The following TUNAR variants were observed in gnomAD, a reference collection of about 807,000 sequenced individuals.
The protein encoded by TUNAR is protein TUNAR.
At chr14:95,901,494 T>A (rs957676155) in intron 2 of TUNAR, among the ~76,000 whole-genome samples, 5 of 152,202 alleles carry the variant, frequency 3.3e-5, no homozygotes. Context: ...GCAGGAGATG[T>A]AAATTTTGCT....
intron 2 of TUNAR, among the ~76,000 whole-genome samples, chr14:95,906,191 G>C (rs1041102168): frequency 6.6e-6 from 1 of 152,138 alleles, no homozygotes; most frequent in Non-Finnish European, 1.5e-5. Context: ...GAGAAACCAA[G>C]GTTTGGGTGC....
At chr14:95,891,071 A>T (rs1328927285) in intron 2 of TUNAR, among the ~76,000 whole-genome samples, 1 of 152,260 alleles carries the variant, frequency 6.6e-6, no homozygotes, top group Admixed American at 6.5e-5. Flanking sequence ...TGATTTAGAA[A>T]GATAGCCCTT....
chr14:95,907,915 G>A (rs1351632446), intron 2 of TUNAR, among the ~76,000 whole-genome samples: 2 of 152,172 alleles, frequency 1.3e-5, no homozygotes, highest in African/African-American at 2.4e-5. Context: ...TCTGACCTCT[G>A]CCCTGCTCTG....
intron 2 of TUNAR, among the ~76,000 whole-genome samples, chr14:95,882,169 G>A (rs915960905): frequency 6.6e-6 from 1 of 152,206 alleles, no homozygotes. Flanking sequence ...GAATAACATT[G>A]CGTGTCCTCG....
intron 2 of TUNAR, among the ~76,000 whole-genome samples, chr14:95,910,073 A>G (rs1409430136): frequency 6.6e-6 from 1 of 152,140 alleles, no homozygotes; most frequent in Non-Finnish European, 1.5e-5. Context: ...TCGGTGTATG[A>G]TCATTTCTTT....
In TUNAR at chr14:95,922,089, GGGTATAACCT is replaced by G. The variant is rs1889706509; in HGVS notation, c.13-689_13-680del. Among the ~76,000 whole-genome samples the G allele has an allele frequency of 2.0e-5, 3 of 152,198 alleles. No homozygotes were observed. In the South Asian group the frequency reaches 6.2e-4, roughly 32 times the overall value. ...GTGCACAGAAGTGAGGCCTTCTCTA[GGGTATAACCT>G]GGCAGAGCAGGTGCCCAGTGGTAGA... On this transcript the variant is annotated intron_variant, in intron 2 of 2. Coordinates refer to ENST00000678517, the Ensembl canonical transcript of TUNAR.
intron 2 of TUNAR, among the ~76,000 whole-genome samples, chr14:95,891,795 G>A (rs1207919372): frequency 6.6e-6 from 1 of 152,220 alleles, no homozygotes; most frequent in Non-Finnish European, 1.5e-5. Flanking sequence ...TGGGAAGCCT[G>A]AAATCCAAGT....
At chr14:95,897,589 C>G (rs939283904) in intron 2 of TUNAR, among the ~76,000 whole-genome samples, 5 of 152,220 alleles carry the variant, frequency 3.3e-5, no homozygotes, top group Admixed American at 1.3e-4. Flanking sequence ...ATGTTGAGAA[C>G]AGTAGGTGAC....
exon 3 of TUNAR, chr14:95,923,215 G>C: frequency 2.9e-6 from 1 of 339,328 alleles, no homozygotes; most frequent in East Asian, 4.4e-5. Context: ...CTTTGGCAGG[G>C]GGCCCAGAAG....
chr14:95,898,349 G>A (rs913980673), intron 2 of TUNAR, among the ~76,000 whole-genome samples: 19 of 152,180 alleles, frequency 1.2e-4, no homozygotes, highest in African/African-American at 4.6e-4. Flanking sequence ...CATGAGGATA[G>A]TCTCCAGGGT....
intron 2 of TUNAR, among the ~76,000 whole-genome samples, chr14:95,884,444 G>A (rs542841468): frequency 3.3e-5 from 5 of 152,308 alleles, no homozygotes; most frequent in South Asian, 2.1e-4. Context: ...ACCCTGTGAA[G>A]CTCTGTTTTC....
At chr14:95,896,252 C>T (rs1383741637) in intron 2 of TUNAR, among the ~76,000 whole-genome samples, 3 of 152,188 alleles carry the variant, frequency 2.0e-5, no homozygotes, top group Non-Finnish European at 4.4e-5. Context: ...GTCCGGTCTT[C>T]TAGAAGGTGG....
intron 2 of TUNAR, among the ~76,000 whole-genome samples, chr14:95,910,887 G>C (rs56207511): frequency 0.22 from 33,756 of 152,202 alleles, 5,089 homozygotes; most frequent in African/African-American, 0.43. Context: ...TGGAATGTTG[G>C]CAGAGCTGGC....
intron 2 of TUNAR, among the ~76,000 whole-genome samples, chr14:95,905,103 A>G (rs972362069): frequency 6.6e-6 from 1 of 152,216 alleles, no homozygotes; most frequent in Non-Finnish European, 1.5e-5. Flanking sequence ...AAATCATTCA[A>G]TAAGGGACTT....
intron 2 of TUNAR, among the ~76,000 whole-genome samples, chr14:95,884,967 G>A (rs1889051668): frequency 6.6e-6 from 1 of 151,926 alleles, no homozygotes; most frequent in South Asian, 2.1e-4. Flanking sequence ...AACTGCACTC[G>A]AAAGGATCAA....
intron 2 of TUNAR, among the ~76,000 whole-genome samples, chr14:95,880,754 G>C (rs1414649370): frequency 6.6e-6 from 1 of 152,224 alleles, no homozygotes; most frequent in African/African-American, 2.4e-5. Flanking sequence ...CAGGTTTTGT[G>C]TGTAGGCTTC....
At chr14:95,885,832 G>A (rs576634453) in intron 2 of TUNAR, among the ~76,000 whole-genome samples, 28 of 152,276 alleles carry the variant, frequency 1.8e-4, no homozygotes, top group Admixed American at 6.5e-4. Flanking sequence ...TGTGTAAAAC[G>A]TTCAAGAAGA....
intron 2 of TUNAR, among the ~76,000 whole-genome samples, chr14:95,918,415 TCCA>T (rs1889639558): frequency 1.3e-5 from 2 of 152,248 alleles, no homozygotes; most frequent in Admixed American, 6.5e-5. Context: ...CTGTTCATCC[TCCA>T]GACCCTGGCC....
At chr14:95,884,673 C>T (rs1440399246) in intron 2 of TUNAR, among the ~76,000 whole-genome samples, 3 of 152,176 alleles carry the variant, frequency 2.0e-5, no homozygotes, top group East Asian at 1.9e-4. Context: ...GACTGCAACC[C>T]TCTTGGGCTG....
Sources: gnomAD v4.1 joint callset for allele counts (sites outside exome capture counted in the v4.1 genomes callset) on GRCh38, gnomAD v4.1.1 for gene constraint, MANE v1.5 for transcripts, NCBI Gene and HGNC (gene_info 2026-07-23, HGNC 2026-07-21) for gene names.